Variants in RBFOX1 observed in about 807,000 individuals in gnomAD.
The protein encoded by RBFOX1 is RNA binding protein fox-1 homolog 1.
A neutral mutation model predicts 57.7 loss-of-function variants in RBFOX1; 8 were observed. The ratio of observed to expected loss-of-function variants is 0.14; its 90% CI spans 0.08 to 0.25. The LOEUF (loss-of-function observed/expected upper bound fraction) is 0.25. RBFOX1 is among the 10% of genes least tolerant of loss of function. The probability of loss-of-function intolerance (pLI) is 1.00; values close to 1 mark genes in which losing one functional copy is unlikely to be tolerated. For synonymous variants in RBFOX1, 326 were observed against 222.4 expected (o/e 1.47, Z -4.15); for missense variants, 611 against 548.5 (o/e 1.11, Z -1.14).
intron 3 of RBFOX1, among the ~76,000 whole-genome samples, chr16:7,012,596 C>T (rs555412967): frequency 6.6e-6 from 1 of 152,140 alleles, no homozygotes; most frequent in Non-Finnish European, 1.5e-5. Flanking sequence ...ATGCTGCTAA[C>T]AAAACATTGG....
At chr16:5,750,998 G>A (rs931151314) in intron 3 of RBFOX1, among the ~76,000 whole-genome samples, 15 of 152,136 alleles carry the variant, frequency 9.9e-5, no homozygotes, top group Admixed American at 5.2e-4. Flanking sequence ...GGCAATCTTG[G>A]AACCCACCAA....
intron 1 of RBFOX1, among the ~76,000 whole-genome samples, chr16:5,335,779 G>A (rs1009487103): frequency 1.3e-5 from 2 of 152,142 alleles, no homozygotes; most frequent in African/African-American, 4.8e-5. Flanking sequence ...TAACCACCTG[G>A]TACCTCGTGG....
intron 4 of RBFOX1, among the ~76,000 whole-genome samples, chr16:7,301,151 G>A (rs80004972): frequency 0.01 from 1,528 of 152,304 alleles, 21 homozygotes; most frequent in African/African-American, 0.035. Flanking sequence ...TCAAGTGAGC[G>A]ATGATTGTGG....
chr16:7,231,894 T>C (rs1017698697), intron 4 of RBFOX1, among the ~76,000 whole-genome samples: 1 of 152,118 alleles, frequency 6.6e-6, no homozygotes, highest in Admixed American at 6.5e-5. Flanking sequence ...TGCTACAGGC[T>C]AGGAGGAAGG....
chr16:7,479,253 C>G (rs28627791), intron 4 of RBFOX1, among the ~76,000 whole-genome samples: 1 of 151,482 alleles, frequency 6.6e-6, no homozygotes, highest in African/African-American at 2.4e-5. Flanking sequence ...CCTCCCGAGT[C>G]GCTGGGATTA....
At position 5,393,000 on chromosome 16, in the gene RBFOX1, CT is replaced by C. The variant is rs1041929944; in HGVS notation, c.220-74215del. On this transcript the variant is annotated intron_variant, in intron 1 of 2. Coordinates refer to the RBFOX1 transcript ENST00000585867. ...AGGTGTTGAGTGGGATGTGGTACCCCTGAAATAGACATTAGACCTTTGAGAA... is the reference window on the plus strand; with the variant it reads ...AGGTGTTGAGTGGGATGTGGTACCCCGAAATAGACATTAGACCTTTGAGAA... 1.2e-3 allele frequency among the ~76,000 whole-genome samples: 180 copies of C among 152,200 alleles called. 1 individual carries two copies. The highest frequency in any genetic ancestry group is 4.2e-3 in the African/African-American group (175 of 41,532).
At chr16:5,442,807 C>G (rs1359940963) in intron 1 of RBFOX1, among the ~76,000 whole-genome samples, 1 of 152,170 alleles carries the variant, frequency 6.6e-6, no homozygotes, top group Non-Finnish European at 1.5e-5. Flanking sequence ...TGTCTCTTCC[C>G]TGCCAAATTC....
chr16:5,775,091 A>G (rs1474626981), intron 3 of RBFOX1, among the ~76,000 whole-genome samples: 1 of 152,212 alleles, frequency 6.6e-6, no homozygotes, highest in Non-Finnish European at 1.5e-5. Context: ...GTCACAGTGA[A>G]TATAGCTTGA....
chr16:7,237,235 A>G (rs757857766), intron 4 of RBFOX1, among the ~76,000 whole-genome samples: 24 of 152,132 alleles, frequency 1.6e-4, no homozygotes, highest in Non-Finnish European at 2.9e-4. Flanking sequence ...AATCCAGAAG[A>G]CCACATGCTG....
intron 1 of RBFOX1, among the ~76,000 whole-genome samples, chr16:6,078,003 G>T (rs918855884): frequency 6.6e-6 from 1 of 152,128 alleles, no homozygotes; most frequent in Non-Finnish European, 1.5e-5. Context: ...CCGGGTAGAT[G>T]TATCTGAATC....
intron 1 of RBFOX1, among the ~76,000 whole-genome samples, chr16:6,060,137 T>TAA: frequency 4.3e-5 from 1 of 23,178 alleles, no homozygotes. Context: ...TTTTTTTTTT[T>TAA]TTTTTTTTTT....
chr16:7,214,771 T>C (rs1294510607), intron 4 of RBFOX1, among the ~76,000 whole-genome samples: 3 of 152,170 alleles, frequency 2.0e-5, no homozygotes, highest in African/African-American at 7.2e-5. Flanking sequence ...CTTCACTGTC[T>C]CAATCTCACC....
chr16:7,254,498 CT>C (rs72529074), intron 4 of RBFOX1, among the ~76,000 whole-genome samples: 6,953 of 150,936 alleles, frequency 0.046, 562 homozygotes, highest in African/African-American at 0.16. Flanking sequence ...CTCTCTCTCT[CT>C]TTTTTTTTAT....
chr16:6,875,710 G>A (rs2061709907), intron 3 of RBFOX1, among the ~76,000 whole-genome samples: 1 of 152,172 alleles, frequency 6.6e-6, no homozygotes, highest in Middle Eastern at 3.2e-3. Flanking sequence ...TAGCCTAAAT[G>A]AATCAGCGCC....
chr16:5,490,060 G>A (rs1467713623), intron 2 of RBFOX1, among the ~76,000 whole-genome samples: 1 of 152,240 alleles, frequency 6.6e-6, no homozygotes, highest in Non-Finnish European at 1.5e-5. Context: ...CACAGCCACT[G>A]ACCTGGTCTG....
At chr16:5,704,716 G>A (rs1454658137) in intron 3 of RBFOX1, among the ~76,000 whole-genome samples, 6 of 152,032 alleles carry the variant, frequency 3.9e-5, no homozygotes, top group Admixed American at 3.9e-4. Flanking sequence ...TTATATTTTG[G>A]GGGGCTCTCC....
chr16:5,393,598 G>C (rs2066471880), intron 1 of RBFOX1, among the ~76,000 whole-genome samples: 1 of 152,160 alleles, frequency 6.6e-6, no homozygotes, highest in African/African-American at 2.4e-5. Context: ...CCAGGGCCTG[G>C]TGTTGGGATG....
intron 2 of RBFOX1, among the ~76,000 whole-genome samples, chr16:5,532,673 A>T (rs557452459): frequency 6.6e-6 from 1 of 152,220 alleles, no homozygotes; most frequent in African/African-American, 2.4e-5. Flanking sequence ...ACATTTTTCA[A>T]TGCTGTGCTC....
chr16:6,958,119 C>T (rs531509623), intron 3 of RBFOX1, among the ~76,000 whole-genome samples: 26 of 152,014 alleles, frequency 1.7e-4, no homozygotes, highest in African/African-American at 5.1e-4. Context: ...AATGGGTGAC[C>T]GGATTTTGCA....
Sources: gnomAD v4.1 joint callset for allele counts (sites outside exome capture counted in the v4.1 genomes callset) on GRCh38, gnomAD v4.1.1 for gene constraint, MANE v1.5 for transcripts, NCBI Gene and HGNC (gene_info 2026-07-23, HGNC 2026-07-21) for gene names.